STPG1: variants seen among roughly 807,000 people sequenced by gnomAD.
The protein encoded by STPG1 is O(6)-methylguanine-induced apoptosis 2.
In STPG1, 33 loss-of-function variants were observed where a neutral mutation model predicts 40.1. The ratio of observed to expected loss-of-function variants is 0.82; its 90% CI spans 0.62 to 1.10. The LOEUF is 1.10. STPG1 is among the 50% of genes least tolerant of loss of function. The pLI is 0.00. For missense variants in STPG1, 396 were observed against 415.1 expected (o/e 0.95, Z 0.40); for synonymous variants, 150 against 155.0 (o/e 0.97, Z 0.24).
At chr1:24,404,245 T>C (rs1219665388) in intron 1 of STPG1, among the ~76,000 whole-genome samples, 1 of 152,210 alleles carries the variant, frequency 6.6e-6, no homozygotes, top group African/African-American at 2.4e-5. Context: ...GATTTTCAAA[T>C]GTTAAAACAA....
chr1:24,395,456 G>A (rs1037616015), intron 2 of STPG1, among the ~76,000 whole-genome samples: 2 of 132,424 alleles, frequency 1.5e-5, no homozygotes, highest in African/African-American at 2.9e-5. Context: ...TTTTTTAGAC[G>A]GAGTCTCGTT....
At chr1:24,405,364 A>C (rs1403063370) in intron 1 of STPG1, among the ~76,000 whole-genome samples, 1 of 152,074 alleles carries the variant, frequency 6.6e-6, no homozygotes, top group Non-Finnish European at 1.5e-5. Flanking sequence ...TTTTTCTTTC[A>C]GTTTAAAATA....
Position 24,401,408 on chromosome 1 carries a change from G to A in STPG1, c.-20C>T, listed in dbSNP as rs774112677. ...GTCCATGTTAGCAAAATTCTGTGACGTGTTCCATTTGTTTGATGAAAAGTT... is the reference window on the plus strand; with the variant it reads ...GTCCATGTTAGCAAAATTCTGTGACATGTTCCATTTGTTTGATGAAAAGTT... On this transcript the variant is annotated 5_prime_UTR_variant, in exon 2 of 9. It adds an upstream start codon to the 5' untranslated region. Transcript: ENST00000337248. 68 of 1,611,548 alleles carry A rather than the reference G, an allele frequency of 4.2e-5. No homozygotes were observed. The highest frequency in any genetic ancestry group is 3.0e-4 in the South Asian group (27 of 90,854).
rs1424644893 is a variant in STPG1 at position 24,368,221 on chromosome 1, C to T, written c.737+1453G>A. Among the ~76,000 whole-genome samples the T allele has an allele frequency of 2.0e-5, 3 of 152,198 alleles. 1 individual carries two copies. Among genetic ancestry groups the T allele is most frequent in the African/African-American group, 7.2e-5 (3 of 41,456 alleles). ...CCAGCTGAGGTCTCAATCCCCTCTC[C>T]AGATCTTAAGTTCGACTTGGCAGAT... On this transcript the variant is annotated intron_variant, in intron 7 of 8. Coordinates refer to ENST00000337248, the MANE Select transcript of STPG1 (RefSeq NM_001199013.2).
chr1:24,401,199 T>G, intron 2 of STPG1, 120 bp downstream of exon 2: 1 of 740,262 alleles, frequency 1.4e-6, no homozygotes, highest in Non-Finnish European at 2.3e-6. Context: ...CTATTTGGTA[T>G]GCCTGTAAGG....
chr1:24,394,366 A>G (rs558479622), intron 2 of STPG1, among the ~76,000 whole-genome samples: 1 of 152,360 alleles, frequency 6.6e-6, no homozygotes, highest in Admixed American at 6.5e-5. Flanking sequence ...ACTGCATCTC[A>G]GAACAAAGCA....
At chr1:24,369,240 C>T (rs1009084526) in intron 7 of STPG1, 43 of 404,076 alleles carry the variant, frequency 1.1e-4, no homozygotes, top group South Asian at 7.7e-4. Context: ...CCTGCCACTC[C>T]AGCGAAGATT....
At chr1:24,358,718 T>G in intron 8 of STPG1, 99 bp from the exon 9 acceptor site, 1 of 845,904 alleles carries the variant, frequency 1.2e-6, no homozygotes, top group East Asian at 2.5e-5. Flanking sequence ...TGGGGACCCC[T>G]GTGCCAGCCC....
chr1:24,370,019 C>T (rs138708873), intron 6 of STPG1, among the ~76,000 whole-genome samples, 180 bp from the exon 7 acceptor site: 6 of 152,246 alleles, frequency 3.9e-5, no homozygotes, highest in East Asian at 1.9e-4. Flanking sequence ...ACAGATGGCA[C>T]GGGAAGCACA....
At chr1:24,390,808 T>A (rs1366537271) in intron 3 of STPG1, among the ~76,000 whole-genome samples, 1 of 151,826 alleles carries the variant, frequency 6.6e-6, no homozygotes. Context: ...AATTTTTTTT[T>A]TTTTAATTTC....
chr1:24,378,012 C>A (rs1353113631), intron 5 of STPG1, among the ~76,000 whole-genome samples: 4 of 88,490 alleles, frequency 4.5e-5, no homozygotes, highest in Non-Finnish European at 9.6e-5. Flanking sequence ...GTGCTTCATC[C>A]TCCTCCTCCT....
At chr1:24,362,020 C>G (rs188464837) in intron 7 of STPG1, among the ~76,000 whole-genome samples, 1 of 152,324 alleles carries the variant, frequency 6.6e-6, no homozygotes, top group East Asian at 1.9e-4. Flanking sequence ...GGCTCACACC[C>G]AAGGCTTCTT....
intron 4 of STPG1, 122 bp downstream of exon 4, chr1:24,383,780 C>T (rs1642386198): frequency 5.9e-6 from 4 of 674,224 alleles, no homozygotes; most frequent in Non-Finnish European, 1.1e-5. Context: ...GAGGCAGTTA[C>T]TCTCCTAATT....
chr1:24,397,736 T>C (rs1284390709), intron 2 of STPG1, among the ~76,000 whole-genome samples: 1 of 151,514 alleles, frequency 6.6e-6, no homozygotes, highest in Non-Finnish European at 1.5e-5. Flanking sequence ...CTTCTTTCAC[T>C]CAGCATAATT....
intron 2 of STPG1, among the ~76,000 whole-genome samples, chr1:24,392,585 C>T (rs1206351871): frequency 6.6e-6 from 1 of 152,176 alleles, no homozygotes; most frequent in Non-Finnish European, 1.5e-5. Flanking sequence ...AAGAAAACCC[C>T]CAAGCCAGGC....
intron 6 of STPG1, among the ~76,000 whole-genome samples, chr1:24,372,292 G>C (rs1641789074): frequency 6.6e-6 from 1 of 152,196 alleles, no homozygotes; most frequent in South Asian, 2.1e-4. Flanking sequence ...AGAAGAAGAA[G>C]AGCTCACACT....
At chr1:24,380,936 G>GT (rs1024471167) in intron 4 of STPG1, among the ~76,000 whole-genome samples, 22 of 152,232 alleles carry the variant, frequency 1.4e-4, no homozygotes, top group African/African-American at 5.3e-4. Flanking sequence ...GCTCCTAGAA[G>GT]TAAGGTCACC....
chr1:24,388,365 A>G (rs1642605936), intron 3 of STPG1, among the ~76,000 whole-genome samples: 1 of 152,360 alleles, frequency 6.6e-6, no homozygotes, highest in Middle Eastern at 3.4e-3. Context: ...CTCTTCACCT[A>G]CGCAAAGTTA....
At chr1:24,379,882 C>G in intron 4 of STPG1, 59 bp from the exon 5 acceptor site, 28 of 1,548,226 alleles carry the variant, frequency 1.8e-5, no homozygotes, top group Non-Finnish European at 2.3e-5. Context: ...ATCTGAAGGA[C>G]AGATGTCAAA....
Sources: allele counts gnomAD v4.1 joint callset (sites outside exome capture counted in the v4.1 genomes callset), GRCh38; gene constraint gnomAD v4.1.1; transcripts MANE v1.5; gene names NCBI Gene and HGNC (gene_info 2026-07-23, HGNC 2026-07-21).